SLC39A14: variants seen among roughly 807,000 people sequenced by gnomAD.
The protein encoded by SLC39A14 is solute carrier family 39 member 14.
Under a neutral mutation model 45.5 loss-of-function variants are expected in SLC39A14, and 19 were observed. That is an observed-to-expected ratio of 0.42 (90% confidence interval 0.29 to 0.61). The LOEUF is 0.61. Among genes scored for constraint, SLC39A14 ranks in the 20% least tolerant of loss-of-function variants. The probability of loss-of-function intolerance (pLI) is 0.22; values close to 1 mark genes in which losing one functional copy is unlikely to be tolerated. For missense variants in SLC39A14, 447 were observed against 616.5 expected, an observed-to-expected ratio of 0.73 and a Z score of 2.91; for synonymous variants, 264 against 251.3, an observed-to-expected ratio of 1.05 and a Z score of -0.48.
chr8:22,376,732 G>T (rs906308619), intron 1 of SLC39A14, among the ~76,000 whole-genome samples: 15 of 152,142 alleles, frequency 9.9e-5, no homozygotes, highest in African/African-American at 3.6e-4. Flanking sequence ...ACAAAAATTA[G>T]CCAGGCATGG....
chr8:22,388,007 C>CT (rs541185586), intron 1 of SLC39A14, among the ~76,000 whole-genome samples: 297 of 152,298 alleles, frequency 2.0e-3, no homozygotes, highest in African/African-American at 6.5e-3. Flanking sequence ...GAGGATGTGT[C>CT]TGTCTGTTTA....
chr8:22,426,692 C>CT (rs1186885333), downstream of SLC39A14, among the ~76,000 whole-genome samples: 14 of 151,342 alleles, frequency 9.3e-5, no homozygotes, highest in Admixed American at 4.6e-4. Context: ...TGCTCTCTCT[C>CT]TTTTTTTTTG....
At chr8:22,402,030 AATT>A (rs1834899785) in intron 1 of SLC39A14, among the ~76,000 whole-genome samples, 1 of 152,154 alleles carries the variant, frequency 6.6e-6, no homozygotes, top group Non-Finnish European at 1.5e-5. Context: ...CAAATTAATT[AATT>A]ATTAATTGTT....
chr8:22,404,909 A>G lies in SLC39A14; in HGVS notation c.199A>G (p.Asn67Asp), dbSNP rs1299139549. Residue 67 changes from asparagine (N) to aspartate (D), a missense_variant, in exon 2 of 9, where the codon AAC (asparagine) becomes GAC (aspartate). By Grantham distance (23) the Asn-to-Asp change is conservative (BLOSUM62 1). Coordinates refer to ENST00000381237, the MANE Select transcript of SLC39A14 (RefSeq NM_001128431.4). ...LTLQQLKALLNHLDVGVGRGN... is the reference protein window; with the variant it reads ...LTLQQLKALLDHLDVGVGRGN... ...TCTGCAGCAGCTGAAGGCCCTACTC[A>G]ACCACCTGGATGTGGGAGTGGGCCG... 6.2e-7 allele frequency: 1 copy of G among 1,614,160 alleles called. No individual in the cohort carries two copies. The highest frequency in any genetic ancestry group is 2.2e-5 in the East Asian group (1 of 44,884).
In SLC39A14 at chr8:22,412,021, T is replaced by G. The variant is rs1052184214; in HGVS notation, c.458-16T>G. 1 of 1,546,974 alleles carries G rather than the reference T, an allele frequency of 6.5e-7. No individual in the cohort carries two copies. Among genetic ancestry groups the G allele is most frequent in the Admixed American group, 2.0e-5 (1 of 50,900 alleles). On this transcript the variant is annotated splice_polypyrimidine_tract_variant and intron_variant, in intron 3 of 8. Coordinates refer to ENST00000381237, the MANE Select transcript of SLC39A14 (RefSeq NM_001128431.4). ...TCCCTGCCCTGGGTGGGGCTGGCCCTCCCTCCGCACGGCAGTGTGGGGATA... is the reference window on the plus strand; with the variant it reads ...TCCCTGCCCTGGGTGGGGCTGGCCCGCCCTCCGCACGGCAGTGTGGGGATA...
intron 3 of SLC39A14, among the ~76,000 whole-genome samples, chr8:22,409,473 C>T (rs894185005): frequency 1.3e-5 from 2 of 151,788 alleles, no homozygotes; most frequent in Non-Finnish European, 2.9e-5. Flanking sequence ...ACCTCCGCCT[C>T]CTGGGTTCAA....
At chr8:22,377,380 A>G (rs544249245) in intron 1 of SLC39A14, among the ~76,000 whole-genome samples, 1 of 152,172 alleles carries the variant, frequency 6.6e-6, no homozygotes, top group Non-Finnish European at 1.5e-5. Context: ...TTCTCCACGG[A>G]GTCCTGCTTT....
At chr8:22,427,078 A>T (rs1236522617), downstream of SLC39A14, among the ~76,000 whole-genome samples, 2 of 151,576 alleles carry the variant, frequency 1.3e-5, no homozygotes, top group Non-Finnish European at 2.9e-5. Flanking sequence ...GGATCACCTG[A>T]GGTCGGGAGT....
At chr8:22,385,198 C>T (rs1228797438) in intron 1 of SLC39A14, among the ~76,000 whole-genome samples, 2 of 152,198 alleles carry the variant, frequency 1.3e-5, no homozygotes, top group South Asian at 2.1e-4. Context: ...GGTCCCTGCC[C>T]TCTCCCCAAG....
chr8:22,432,953 A>T (rs1469160489), intron 8 of SLC39A14, among the ~76,000 whole-genome samples: 1 of 149,904 alleles, frequency 6.7e-6, no homozygotes, highest in Non-Finnish European at 1.5e-5. Context: ...GTGCTCGGCC[A>T]CCTGGCTAAT....
chr8:22,410,155 G>A, intron 3 of SLC39A14: 1 of 1,610,338 alleles, frequency 6.2e-7, no homozygotes, highest in Non-Finnish European at 8.5e-7. Context: ...CTTTCCCTGG[G>A]GCGGCACAGC....
At chr8:22,415,041 C>A in intron 5 of SLC39A14, 139 bp downstream of exon 5, 1 of 1,045,980 alleles carries the variant, frequency 9.6e-7, no homozygotes, top group Non-Finnish European at 1.4e-6. Context: ...CTTGAGGAGA[C>A]AATCCCATTT....
At chr8:22,400,368 C>T (rs985417300) in intron 1 of SLC39A14, among the ~76,000 whole-genome samples, 5 of 152,188 alleles carry the variant, frequency 3.3e-5, no homozygotes, top group South Asian at 2.1e-4. Flanking sequence ...GGTCTGCAAT[C>T]GGTAAATGCT....
At chr8:22,391,646 C>G (rs1267658222) in intron 1 of SLC39A14, among the ~76,000 whole-genome samples, 4 of 151,894 alleles carry the variant, frequency 2.6e-5, no homozygotes, top group African/African-American at 9.7e-5. Context: ...TCTCGGCTCA[C>G]TGCAACTTCT....
intron 1 of SLC39A14, among the ~76,000 whole-genome samples, chr8:22,395,606 TG>T (rs1486009258): frequency 6.6e-6 from 1 of 152,216 alleles, no homozygotes; most frequent in Non-Finnish European, 1.5e-5. Flanking sequence ...CATAATGTAT[TG>T]GTTCTTCAGT....
intron 8 of SLC39A14, among the ~76,000 whole-genome samples, chr8:22,432,344 A>C (rs937929613): frequency 6.6e-6 from 1 of 152,084 alleles, no homozygotes; most frequent in African/African-American, 2.4e-5. Flanking sequence ...ATAAATAAAC[A>C]TATAAATAAA....
intron 1 of SLC39A14, among the ~76,000 whole-genome samples, chr8:22,400,771 T>A (rs1288091880): frequency 6.6e-6 from 1 of 152,172 alleles, no homozygotes; most frequent in East Asian, 1.9e-4. Flanking sequence ...GTAGGGGACT[T>A]AAGTGATGTG....
chr8:22,384,593 C>T (rs922974675), intron 1 of SLC39A14, among the ~76,000 whole-genome samples: 1 of 151,712 alleles, frequency 6.6e-6, no homozygotes, highest in Non-Finnish European at 1.5e-5. Flanking sequence ...ACAAAAAATA[C>T]AAAAATTAGC....
intron 1 of SLC39A14, among the ~76,000 whole-genome samples, chr8:22,378,941 A>G (rs1211109684): frequency 1.3e-5 from 2 of 152,222 alleles, no homozygotes; most frequent in African/African-American, 4.8e-5. Flanking sequence ...TTGGTGGCTT[A>G]AAAACGACAG....
Sources: gnomAD v4.1 joint callset for allele counts (sites outside exome capture counted in the v4.1 genomes callset) on GRCh38, gnomAD v4.1.1 for gene constraint, MANE v1.5 for transcripts, NCBI Gene and HGNC (gene_info 2026-07-23, HGNC 2026-07-21) for gene names.